VAV1: variants seen among roughly 807,000 people sequenced by gnomAD.
VAV1 encodes vav guanine nucleotide exchange factor 1.
VAV1 carries 33 observed loss-of-function variants against 128.1 expected under a neutral mutation model. That is an observed-to-expected ratio of 0.26 (90% CI 0.20 to 0.34). VAV1 has a LOEUF of 0.34. Ranked by LOEUF, VAV1 falls within the 10% of genes least tolerant of loss-of-function variation. The pLI, the probability that VAV1 is intolerant of heterozygous loss-of-function variation, is 1.00. For missense variants in VAV1, 715 were observed against 1,093.7 expected (o/e 0.65, Z 4.88); for synonymous variants, 394 against 409.8 (o/e 0.96, Z 0.47).
intron 1 of VAV1, among the ~76,000 whole-genome samples, chr19:6,808,340 C>G (rs1054851658): frequency 2.0e-5 from 3 of 151,906 alleles, no homozygotes; most frequent in Non-Finnish European, 4.4e-5. Context: ...AAAACCCCAA[C>G]CAATTCTCTC....
rs549259883 is a variant in VAV1 at position 6,836,314 on chromosome 19, GT to G, written c.1778-117del. The G allele has an allele frequency of 9.1e-5, 119 of 1,314,716 alleles. No homozygotes were observed. In the African/African-American group the frequency reaches 1.7e-3, roughly 19 times the overall value. 81.4% of individuals were successfully genotyped at this position (1,314,716 alleles called of 1,614,324 possible). On this transcript the variant is annotated intron_variant, in intron 19 of 26. Transcript: ENST00000602142. Reference sequence around the variant, plus strand: ...AAAATTCCAGTTTCTCCACGTCCTTGTCAACACTTAGTATTGCCAGTCTAAA... The same window carrying G: ...AAAATTCCAGTTTCTCCACGTCCTTGCAACACTTAGTATTGCCAGTCTAAA...
intron 21 of VAV1, among the ~76,000 whole-genome samples, chr19:6,839,739 T>C (rs1282043731): frequency 6.6e-6 from 1 of 152,214 alleles, no homozygotes; most frequent in African/African-American, 2.4e-5. Context: ...TTGCCCAGGC[T>C]GGAGTGCAAT....
At chr19:6,802,240 A>G (rs2144732945) in intron 1 of VAV1, among the ~76,000 whole-genome samples, 1 of 152,252 alleles carries the variant, frequency 6.6e-6, no homozygotes, top group Non-Finnish European at 1.5e-5. Flanking sequence ...ACCTAATGCT[A>G]AATGAGGAGT....
intron 18 of VAV1, 52 bp downstream of exon 18, chr19:6,833,785 G>T: frequency 6.2e-7 from 1 of 1,613,830 alleles, no homozygotes; most frequent in Non-Finnish European, 8.5e-7. Context: ...GGGCAACAGC[G>T]CGGGGAGGAC....
chr19:6,840,579 G>A (rs1469616490), intron 21 of VAV1, among the ~76,000 whole-genome samples: 2 of 151,818 alleles, frequency 1.3e-5, no homozygotes, highest in East Asian at 1.9e-4. Flanking sequence ...GATTACAGGC[G>A]TGAGCCACTG....
At chr19:6,843,017 A>G in intron 21 of VAV1, 118 bp from the exon 22 acceptor site, 2 of 1,108,234 alleles carry the variant, frequency 1.8e-6, no homozygotes, top group South Asian at 1.3e-5. Context: ...CTGGCACATA[A>G]TAGGCACTCA....
chr19:6,832,735 TCCTTCTTCTTCCCC>T (rs1250356063), intron 15 of VAV1, among the ~76,000 whole-genome samples: 2 of 148,772 alleles, frequency 1.3e-5, no homozygotes, highest in Admixed American at 7.0e-5. Context: ...TTCCTCCTCC[TCCTTCTTCTTCCCC>T]TCTTCCTCCT....
chr19:6,843,022 C>T, intron 21 of VAV1, 113 bp from the exon 22 acceptor site: 2 of 1,160,034 alleles, frequency 1.7e-6, no homozygotes, highest in African/African-American at 1.5e-5. Context: ...ACATAATAGG[C>T]ACTCACTAAA....
At chr19:6,787,872 C>T (rs530456526) in intron 1 of VAV1, among the ~76,000 whole-genome samples, 3 of 151,984 alleles carry the variant, frequency 2.0e-5, no homozygotes, top group African/African-American at 7.2e-5. Flanking sequence ...GTCAGGAGAT[C>T]GAGACCATCC....
chr19:6,825,218 G>T, intron 7 of VAV1, 85 bp from the exon 8 acceptor site: 1 of 1,573,488 alleles, frequency 6.4e-7, no homozygotes, highest in South Asian at 1.1e-5. Context: ...GAGTTGAGCG[G>T]CATGGGGCGG....
intron 1 of VAV1, among the ~76,000 whole-genome samples, chr19:6,801,517 G>A (rs1469646885): frequency 6.6e-6 from 1 of 152,060 alleles, no homozygotes; most frequent in East Asian, 1.9e-4. Context: ...CCCCTGCTTC[G>A]GAGCTTTGAA....
rs765401527 is a variant in VAV1, at chr19:6,822,243, G to A, written c.472G>A (p.Asp158Asn). ...CAGCGACACGGTGGAGGAGGATGAG[G>A]ACCTGTATGACTGCGTGGAGAATGA... Reference protein sequence around the residue: ...QIDDTVEEDEDLYDCVENEEA... With the variant: ...QIDDTVEEDENLYDCVENEEA... Residue 158 changes from aspartate to asparagine, a missense_variant, in exon 5 of 27, where the codon GAC becomes AAC. By Grantham distance (23) the Asp-to-Asn change is conservative. Coordinates refer to ENST00000602142, the MANE Select transcript of VAV1 (RefSeq NM_005428.4). The surrounding 1 kb of genome is among the most constrained non-coding windows in gnomAD (Gnocchi z 5.9). 2.8e-5 allele frequency: 44 copies of A among 1,587,818 alleles called. No homozygotes were observed. The highest frequency in any genetic ancestry group is 3.8e-5 in the Non-Finnish European group (44 of 1,168,668).
Position 6,842,338 on chromosome 19 carries a change from C to A in VAV1, c.1981-797C>A, listed in dbSNP as rs367877255. ...TTGGTAAACTTTTTCTGTAAAGAGCCGAAGAGTAGTGTAAATCTGCTCACC... is the reference window on the plus strand; with the variant it reads ...TTGGTAAACTTTTTCTGTAAAGAGCAGAAGAGTAGTGTAAATCTGCTCACC... On this transcript the variant is annotated intron_variant, in intron 21 of 26. Coordinates refer to ENST00000602142, the MANE Select transcript of VAV1 (RefSeq NM_005428.4). 2.9e-4 allele frequency among the ~76,000 whole-genome samples: 44 copies of A among 152,194 alleles called. No individual in the cohort carries two copies. The East Asian group carries it at 5.0e-3, about 17-fold the overall frequency.
At chr19:6,830,634 T>C (rs1250982917) in intron 14 of VAV1, among the ~76,000 whole-genome samples, 4 of 151,812 alleles carry the variant, frequency 2.6e-5, no homozygotes, top group African/African-American at 7.3e-5. Flanking sequence ...GAGACGAGGT[T>C]TCACCATGTT....
At chr19:6,825,530 C>T (rs1031919229) in intron 8 of VAV1, 124 bp downstream of exon 8, 44 of 754,806 alleles carry the variant, frequency 5.8e-5, no homozygotes, top group Non-Finnish European at 9.1e-5. Context: ...TGTTCATGGG[C>T]GAGGGGCTGC....
intron 1 of VAV1, among the ~76,000 whole-genome samples, chr19:6,809,287 G>T (rs776946455): frequency 1.3e-5 from 2 of 151,992 alleles, no homozygotes; most frequent in Non-Finnish European, 2.9e-5. Context: ...TTGCCAGGCT[G>T]GTCTTGAACT....
chr19:6,837,292 T>C (rs1043142863), intron 21 of VAV1, among the ~76,000 whole-genome samples: 2 of 152,152 alleles, frequency 1.3e-5, no homozygotes, highest in Non-Finnish European at 2.9e-5. Flanking sequence ...CCTTCCTACA[T>C]GGGTATGGTA....
chr19:6,801,740 C>T (rs562202842), intron 1 of VAV1, among the ~76,000 whole-genome samples: 3 of 152,268 alleles, frequency 2.0e-5, no homozygotes, highest in Admixed American at 2.0e-4. Flanking sequence ...GTGCTTGGCT[C>T]TGGGTCCCCT....
At chr19:6,775,544 C>A (rs1222876739) in intron 1 of VAV1, among the ~76,000 whole-genome samples, 1 of 152,122 alleles carries the variant, frequency 6.6e-6, no homozygotes, top group Non-Finnish European at 1.5e-5. Context: ...AGGAGTTTTT[C>A]TCATTGTTCT....
Sources: gnomAD v4.1 joint callset for allele counts (sites outside exome capture counted in the v4.1 genomes callset) on GRCh38, gnomAD v4.1.1 for gene constraint, Gnocchi (gnomAD v3.1) non-coding constraint, MANE v1.5 for transcripts, NCBI Gene and HGNC (gene_info 2026-07-23, HGNC 2026-07-21) for gene names.